Variants in KIAA1549L observed in about 807,000 individuals in gnomAD.
KIAA1549L encodes the protein KIAA1549 like, also known as UPF0606 protein KIAA1549L.
A neutral mutation model predicts 160.7 loss-of-function variants in KIAA1549L; 88 were observed. The observed-to-expected ratio is 0.55, with a 90% CI of 0.46 to 0.65. KIAA1549L has a LOEUF of 0.65. Among genes scored for constraint, KIAA1549L ranks in the 30% least tolerant of loss-of-function variants. The pLI, the probability that KIAA1549L is intolerant of heterozygous loss-of-function variation, is 0.00. For missense variants in KIAA1549L, 2,258 were observed against 2,437.5 expected (o/e 0.93, Z 1.55); for synonymous variants, 950 against 976.7 (o/e 0.97, Z 0.51).
At chr11:33,574,648 T>G in intron 9 of KIAA1549L, 54 bp from the exon 10 acceptor site, 1 of 1,537,850 alleles carries the variant, frequency 6.5e-7, no homozygotes, top group Non-Finnish European at 8.9e-7. Context: ...CCTGGGTGAT[T>G]GCAGGGTCCA....
At chr11:33,400,834 A>C (rs1850484017) in intron 1 of KIAA1549L, among the ~76,000 whole-genome samples, 1 of 152,126 alleles carries the variant, frequency 6.6e-6, no homozygotes, top group African/African-American at 2.4e-5. Context: ...TTTAATCTTC[A>C]CAGACCTCTT....
intron 5 of KIAA1549L, among the ~76,000 whole-genome samples, chr11:33,551,607 A>G (rs1428522860): frequency 1.3e-5 from 2 of 152,058 alleles, no homozygotes; most frequent in Non-Finnish European, 2.9e-5. Flanking sequence ...GGTTTGGAGT[A>G]ATGGATTCCA....
intron 1 of KIAA1549L, among the ~76,000 whole-genome samples, chr11:33,393,606 G>T (rs528707826): frequency 4.6e-5 from 7 of 152,314 alleles, no homozygotes; most frequent in African/African-American, 1.4e-4. Flanking sequence ...AGAGAAAGAG[G>T]GAGGAAGATA....
chr11:33,541,539 T>A (rs1854021187), intron 1 of KIAA1549L, among the ~76,000 whole-genome samples: 1 of 152,244 alleles, frequency 6.6e-6, no homozygotes, highest in African/African-American at 2.4e-5. Flanking sequence ...ACCAAAACAA[T>A]TTTTTAATAC....
rs1852722185 is a variant in KIAA1549L, at chr11:33,492,937, T to C, written c.239-48865T>C. ...GGAGGAGGGGGAGTGATACAGCTTG[T>C]ATTCGTGATCAGGAAAACACAGTGT... On this transcript the variant is annotated intron_variant, in intron 1 of 20. Coordinates refer to ENST00000658780, the MANE Select transcript of KIAA1549L (RefSeq NM_012194.3). Among the ~76,000 whole-genome samples the C allele has an allele frequency of 2.0e-5, 3 of 151,852 alleles. No homozygotes were observed. The South Asian group carries it at 6.2e-4, about 32-fold the overall frequency.
intron 12 of KIAA1549L, among the ~76,000 whole-genome samples, chr11:33,592,937 C>T (rs1017644632): frequency 6.6e-6 from 1 of 152,154 alleles, no homozygotes; most frequent in Non-Finnish European, 1.5e-5. Context: ...TCTTGACATA[C>T]TTAAAGAAAA....
At chr11:33,570,271 G>A (rs1855206372) in intron 9 of KIAA1549L, among the ~76,000 whole-genome samples, 1 of 152,088 alleles carries the variant, frequency 6.6e-6, no homozygotes, top group African/African-American at 2.4e-5. Context: ...CAAAGTGCTG[G>A]GATTACAGGT....
chr11:33,576,436 T>G (rs1855449880), intron 10 of KIAA1549L, among the ~76,000 whole-genome samples: 1 of 152,186 alleles, frequency 6.6e-6, no homozygotes, highest in Non-Finnish European at 1.5e-5. Context: ...TCCCCTTCCC[T>G]CCCTGTGGGC....
At chr11:33,509,243 A>G (rs1437366097) in intron 1 of KIAA1549L, among the ~76,000 whole-genome samples, 2 of 152,174 alleles carry the variant, frequency 1.3e-5, no homozygotes, top group Non-Finnish European at 2.9e-5. Flanking sequence ...CCTTCCCTCC[A>G]TGGTTTGCAA....
At chr11:33,488,987 T>C (rs1852593844) in intron 1 of KIAA1549L, among the ~76,000 whole-genome samples, 1 of 152,254 alleles carries the variant, frequency 6.6e-6, no homozygotes, top group Admixed American at 6.5e-5. Flanking sequence ...ACATTTGTTA[T>C]GTTGTTAAAT....
At chr11:33,509,346 C>G (rs956464598) in intron 1 of KIAA1549L, among the ~76,000 whole-genome samples, 2 of 152,222 alleles carry the variant, frequency 1.3e-5, no homozygotes, top group Non-Finnish European at 2.9e-5. Flanking sequence ...CCTGCTTATT[C>G]TCATTCCTTA....
chr11:33,572,217 AG>A (rs1379456921), intron 9 of KIAA1549L, among the ~76,000 whole-genome samples: 1 of 151,918 alleles, frequency 6.6e-6, no homozygotes, highest in Non-Finnish European at 1.5e-5. Flanking sequence ...TTGTATTTTT[AG>A]TAGAGATGGG....
At chr11:33,651,127 A>G (rs766750899) in intron 17 of KIAA1549L, among the ~76,000 whole-genome samples, 13 of 152,274 alleles carry the variant, frequency 8.5e-5, no homozygotes, top group Middle Eastern at 3.4e-3. Context: ...CATCAAACTG[A>G]GTATTTTAGG....
rs549934537 is a variant in KIAA1549L, at chr11:33,544,143, G to A, written c.2580G>A (p.Met860Ile). ...CTTCTACAGGTAGCTTGCAGGAAAT[G>A]CTTTCAGATGGAACAGATACAGGTT... ...GPTSTGSLQE[M>I]LSDGTDTGSE... Residue 860 changes from methionine (M) to isoleucine (I), a missense_variant, in exon 2 of 21, where the codon ATG becomes ATA. This residue lies in a region of KIAA1549L where 287 missense variants were observed against 292.3 expected (regional missense o/e 0.98). Transcript: ENST00000658780. The A allele has an allele frequency of 4.3e-6, 7 of 1,614,016 alleles. No individual in the cohort carries two copies. The Admixed American group carries it at 5.0e-5, about 12-fold the overall frequency.
At chr11:33,418,920 G>A (rs535270960) in intron 1 of KIAA1549L, among the ~76,000 whole-genome samples, 82 of 151,336 alleles carry the variant, frequency 5.4e-4, no homozygotes, top group African/African-American at 1.8e-3. Context: ...GGGTGTTTGG[G>A]ATAGGGTCTG....
intron 1 of KIAA1549L, among the ~76,000 whole-genome samples, chr11:33,486,105 A>T (rs1165180540): frequency 6.6e-6 from 1 of 152,190 alleles, no homozygotes; most frequent in Admixed American, 6.5e-5. Flanking sequence ...TATCTCCTTG[A>T]CATACCGATT....
intron 1 of KIAA1549L, among the ~76,000 whole-genome samples, chr11:33,440,363 C>T (rs1851475983): frequency 6.6e-6 from 1 of 151,684 alleles, no homozygotes; most frequent in Non-Finnish European, 1.5e-5. Context: ...ATCTCCTGAC[C>T]TCGTGATCCG....
At chr11:33,484,322 A>G (rs184616351) in intron 1 of KIAA1549L, among the ~76,000 whole-genome samples, 1 of 152,294 alleles carries the variant, frequency 6.6e-6, no homozygotes, top group Non-Finnish European at 1.5e-5. Flanking sequence ...TTAAGATCTC[A>G]GTATCACCGC....
intron 1 of KIAA1549L, among the ~76,000 whole-genome samples, chr11:33,473,241 C>A (rs1472675962): frequency 6.6e-6 from 1 of 152,124 alleles, no homozygotes; most frequent in South Asian, 2.1e-4. Context: ...TAACCATAGT[C>A]CCTACCTTCA....
Sources: allele counts gnomAD v4.1 joint callset (sites outside exome capture counted in the v4.1 genomes callset), GRCh38; gene constraint gnomAD v4.1.1; regional missense constraint gnomAD v4.1.1; transcripts MANE v1.5; gene names NCBI Gene and HGNC (gene_info 2026-07-23, HGNC 2026-07-21).